Variants in CAMSAP2 observed in about 807,000 individuals in gnomAD.
CAMSAP2 encodes calmodulin regulated spectrin associated protein family member 2.
A neutral mutation model predicts 146.1 loss-of-function variants in CAMSAP2; 26 were observed. The observed-to-expected ratio is 0.18, with a 90% CI of 0.13 to 0.25. The LOEUF (loss-of-function observed/expected upper bound fraction) is 0.25, where lower values mean the gene tolerates loss of function less well. CAMSAP2 is among the 10% of genes least tolerant of loss of function. CAMSAP2 has a pLI of 1.00. For missense variants in CAMSAP2, 1,381 were observed against 1,759.3 expected, an observed-to-expected ratio of 0.78 and a Z score of 3.85; for synonymous variants, 499 against 596.6, an observed-to-expected ratio of 0.84 and a Z score of 2.38.
intron 2 of CAMSAP2, among the ~76,000 whole-genome samples, chr1:200,772,081 A>G (rs764330131): frequency 6.6e-6 from 1 of 152,186 alleles, no homozygotes; most frequent in Non-Finnish European, 1.5e-5. Context: ...GATCCTAGCA[A>G]TCATCTGGTC....
In CAMSAP2 at chr1:200,782,579, A is replaced by G. The variant is rs541289012; in HGVS notation, c.399+21481A>G. On this transcript the variant is annotated intron_variant, in intron 2 of 16. Transcript: ENST00000358823. ...AAACTGCACGAACTCTTTTTTTACTAGATTCTTTTGCTCATATTTTTGAGA... is the reference window on the plus strand; with the variant it reads ...AAACTGCACGAACTCTTTTTTTACTGGATTCTTTTGCTCATATTTTTGAGA... Among the ~76,000 whole-genome samples the G allele has an allele frequency of 2.0e-5, 3 of 151,982 alleles. No individual in the cohort carries two copies. The East Asian group carries it at 5.8e-4, about 29-fold the overall frequency.
chr1:200,746,027 T>G (rs1052140118), intron 1 of CAMSAP2, among the ~76,000 whole-genome samples: 6 of 152,158 alleles, frequency 3.9e-5, no homozygotes, highest in African/African-American at 1.2e-4. Flanking sequence ...GTGAGAAGTC[T>G]TCTTCCCACG....
chr1:200,833,567 G>GA (rs71135402), intron 6 of CAMSAP2, among the ~76,000 whole-genome samples: 16 of 146,350 alleles, frequency 1.1e-4, no homozygotes, highest in African/African-American at 3.8e-4. Context: ...CTCAAAAAAA[G>GA]AAAAAAAAAA....
intron 1 of CAMSAP2, among the ~76,000 whole-genome samples, chr1:200,756,178 C>T (rs1340365797): frequency 1.3e-5 from 2 of 152,138 alleles, no homozygotes; most frequent in Non-Finnish European, 2.9e-5. Context: ...CTGGGCCGGG[C>T]ATGGTGGCTG....
chr1:200,818,708 T>C (rs768047568), intron 4 of CAMSAP2, among the ~76,000 whole-genome samples: 1 of 152,194 alleles, frequency 6.6e-6, no homozygotes, highest in Non-Finnish European at 1.5e-5. Context: ...GCATTTGAAC[T>C]GTGTACTTGG....
intron 1 of CAMSAP2, among the ~76,000 whole-genome samples, chr1:200,755,145 A>T (rs1014674489): frequency 6.6e-6 from 1 of 152,162 alleles, no homozygotes; most frequent in Non-Finnish European, 1.5e-5. Context: ...ACCTGGAAAC[A>T]TTTCTTCAAG....
At chr1:200,770,697 AG>A (rs1317392415) in intron 2 of CAMSAP2, among the ~76,000 whole-genome samples, 1 of 152,172 alleles carries the variant, frequency 6.6e-6, no homozygotes, top group South Asian at 2.1e-4. Context: ...TACAGGCGTG[AG>A]CCACCGCACC....
intron 2 of CAMSAP2, among the ~76,000 whole-genome samples, chr1:200,793,702 CT>C (rs140048076): frequency 1.9e-4 from 28 of 148,062 alleles, no homozygotes; most frequent in Admixed American, 3.4e-4. Context: ...ATTCTTAAGG[CT>C]TTTTTTTTTA....
chr1:200,766,530 G>C (rs774566969), intron 2 of CAMSAP2, among the ~76,000 whole-genome samples: 4 of 152,118 alleles, frequency 2.6e-5, no homozygotes, highest in Non-Finnish European at 5.9e-5. Flanking sequence ...CAAGAGGAAA[G>C]GATCATCCCT....
intron 4 of CAMSAP2, among the ~76,000 whole-genome samples, chr1:200,823,386 C>A (rs58257532): frequency 1.3e-5 from 2 of 152,188 alleles, no homozygotes; most frequent in African/African-American, 4.8e-5. Flanking sequence ...TAACATCTTA[C>A]GTAATTGGAG....
intron 2 of CAMSAP2, among the ~76,000 whole-genome samples, chr1:200,778,953 G>A (rs988335101): frequency 1.3e-5 from 2 of 152,124 alleles, no homozygotes; most frequent in African/African-American, 4.8e-5. Context: ...AATGAATGAG[G>A]CCAATCAGAT....
intron 1 of CAMSAP2, among the ~76,000 whole-genome samples, chr1:200,754,038 T>G (rs1374573365): frequency 1.3e-5 from 2 of 152,208 alleles, no homozygotes; most frequent in Non-Finnish European, 2.9e-5. Flanking sequence ...TACTCCTTCA[T>G]ACACAGTGAT....
intron 3 of CAMSAP2, 24 bp from the exon 4 acceptor site, chr1:200,815,537 A>G: frequency 8.1e-7 from 1 of 1,233,820 alleles, no homozygotes; most frequent in South Asian, 1.6e-5. Flanking sequence ...ATAAAAATTC[A>G]AACTGATATT....
At chr1:200,815,838 T>TA (rs1385881812) in intron 4 of CAMSAP2, among the ~76,000 whole-genome samples, 194 bp downstream of exon 4, 1 of 152,174 alleles carries the variant, frequency 6.6e-6, no homozygotes, top group Non-Finnish European at 1.5e-5. Context: ...ATGGTGTTTG[T>TA]AAAAAAATAT....
chr1:200,784,030 T>C (rs1288238873), intron 2 of CAMSAP2, among the ~76,000 whole-genome samples: 1 of 149,564 alleles, frequency 6.7e-6, no homozygotes, highest in African/African-American at 2.4e-5. Context: ...TCGAGGTTCA[T>C]TTTACCCTTT....
chr1:200,760,882 G>A lies in CAMSAP2; in HGVS notation c.183G>A (p.Gln61=). Reference sequence around the variant, plus strand: ...TTCAAGAACCATTTTACACAGATCAGTATGACCAGGAACACATCAAACCAC... The same window carrying A: ...TTCAAGAACCATTTTACACAGATCAATATGACCAGGAACACATCAAACCAC... The part of the protein sequence containing the change: ...EELQEPFYTD[Q]YDQEHIKPPV... Residue 61 remains glutamine (Q), a synonymous_variant, in exon 2 of 17, where the codon CAG becomes CAA. Coordinates refer to ENST00000358823, the MANE Select transcript of CAMSAP2 (RefSeq NM_203459.4). 1.9e-6 allele frequency: 3 copies of A among 1,614,096 alleles called. No individual in the cohort carries two copies. Among genetic ancestry groups the A allele is most frequent in the Non-Finnish European group, 2.5e-6 (3 of 1,179,992 alleles).
chr1:200,797,749 G>A (rs1322510402), intron 2 of CAMSAP2, among the ~76,000 whole-genome samples: 1 of 105,902 alleles, frequency 9.4e-6, no homozygotes, highest in Non-Finnish European at 1.9e-5. Context: ...CCTTGCCCAT[G>A]CCTATGTCCT....
intron 8 of CAMSAP2, among the ~76,000 whole-genome samples, chr1:200,845,739 C>T (rs957840906): frequency 6.6e-6 from 1 of 152,110 alleles, no homozygotes; most frequent in African/African-American, 2.4e-5. Flanking sequence ...GCAACAGTTA[C>T]AAGCAGGTAC....
intron 2 of CAMSAP2, among the ~76,000 whole-genome samples, chr1:200,773,147 A>T (rs980106364): frequency 6.6e-6 from 1 of 152,248 alleles, no homozygotes; most frequent in African/African-American, 2.4e-5. Flanking sequence ...AAAAGCTAAG[A>T]TACTTAAGGA....
Sources: gnomAD v4.1 joint callset for allele counts (sites outside exome capture counted in the v4.1 genomes callset) on GRCh38, gnomAD v4.1.1 for gene constraint, MANE v1.5 for transcripts, NCBI Gene and HGNC (gene_info 2026-07-23, HGNC 2026-07-21) for gene names.